SEZ6L: variants seen among roughly 807,000 people sequenced by gnomAD.
The protein encoded by SEZ6L is seizure related 6 homolog like.
Under a neutral mutation model 106.2 loss-of-function variants are expected in SEZ6L, and 37 were observed. That is an observed-to-expected ratio of 0.35 (90% CI 0.27 to 0.46). The LOEUF (loss-of-function observed/expected upper bound fraction) is 0.46. Among genes scored for constraint, SEZ6L ranks in the 20% least tolerant of loss-of-function variants. The pLI, the probability that SEZ6L is intolerant of heterozygous loss-of-function variation, is 1.00. For synonymous variants in SEZ6L, 541 were observed against 570.4 expected (o/e 0.95, Z 0.73); for missense variants, 1,172 against 1,332.8 (o/e 0.88, Z 1.88).
intron 1 of SEZ6L, among the ~76,000 whole-genome samples, chr22:26,239,346 C>T (rs1340710938): frequency 7.2e-5 from 11 of 152,204 alleles, no homozygotes; most frequent in Admixed American, 7.2e-4. Context: ...GGTCAAGAAG[C>T]ACTTGCCAGT....
chr22:26,232,393 C>CACAT (rs2078829259), intron 1 of SEZ6L, among the ~76,000 whole-genome samples: 1 of 136,994 alleles, frequency 7.3e-6, no homozygotes, highest in African/African-American at 2.7e-5. Flanking sequence ...CACACACACA[C>CACAT]ACTAAGAGCC....
Position 26,169,691 on chromosome 22 carries a change from G to A in SEZ6L, c.22G>A (p.Ala8Thr). The A allele has an allele frequency of 1.5e-6, 2 of 1,318,388 alleles. No individual in the cohort carries two copies. Among genetic ancestry groups the A allele is most frequent in the South Asian group, 2.1e-5 (1 of 47,264 alleles). The allele number at this position is 1,318,388 out of a possible 1,614,324, so 81.7% of individuals were successfully genotyped here. A position where few individuals can be genotyped will look rare whatever the true frequency, so the allele number is the denominator to read the frequency against. Reference sequence around the variant, plus strand: ...CACGATGCCCGCGGCCCGGCCGCCCGCCGCGGGACTCCGCGGGATCTCGCT... The same window carrying A: ...CACGATGCCCGCGGCCCGGCCGCCCACCGCGGGACTCCGCGGGATCTCGCT... MPAARPP[A>T]AGLRGISLFL... Residue 8 changes from alanine to threonine, a missense_variant, in exon 1 of 17, where the codon GCC becomes ACC. Around this residue, in one of 4 missense-constraint regions of SEZ6L, gnomAD observed 494 missense variants for 445.8 expected, o/e 1.11. Coordinates refer to ENST00000248933, the MANE Select transcript of SEZ6L (RefSeq NM_021115.5).
chr22:26,235,728 G>C (rs1242761356), intron 1 of SEZ6L, among the ~76,000 whole-genome samples: 2 of 152,148 alleles, frequency 1.3e-5, no homozygotes, highest in African/African-American at 4.8e-5. Flanking sequence ...TTGCCCTTTT[G>C]GGGAAGTATA....
At chr22:26,250,993 CT>C (rs1569420380) in intron 1 of SEZ6L, among the ~76,000 whole-genome samples, 1 of 152,128 alleles carries the variant, frequency 6.6e-6, no homozygotes, top group Non-Finnish European at 1.5e-5. Context: ...AGAAGTTCCT[CT>C]GATTTTTGTA....
intron 9 of SEZ6L, among the ~76,000 whole-genome samples, chr22:26,327,477 TCACACACAC>T (rs567211859): frequency 2.2e-3 from 171 of 77,832 alleles, no homozygotes; most frequent in African/African-American, 8.2e-3. Context: ...CACACACCCC[TCACACACAC>T]CACATGACAC....
intron 1 of SEZ6L, among the ~76,000 whole-genome samples, chr22:26,255,423 A>C (rs936689262): frequency 6.6e-6 from 1 of 152,222 alleles, no homozygotes; most frequent in Admixed American, 6.5e-5. Flanking sequence ...TTGAGATTTC[A>C]AAGTGGTGTC....
chr22:26,273,871 T>G (rs550642767), intron 1 of SEZ6L, among the ~76,000 whole-genome samples: 2 of 152,294 alleles, frequency 1.3e-5, no homozygotes, highest in East Asian at 3.9e-4. Flanking sequence ...TCTTCTTTTG[T>G]TGGAGATCCA....
intron 1 of SEZ6L, among the ~76,000 whole-genome samples, chr22:26,187,257 G>A (rs573190175): frequency 3.3e-5 from 5 of 152,242 alleles, no homozygotes; most frequent in Admixed American, 1.3e-4. Flanking sequence ...CAAGTGAAGG[G>A]GGAAAAGCCC....
chr22:26,352,478 T>G (rs1327937786), intron 12 of SEZ6L, among the ~76,000 whole-genome samples: 1 of 152,158 alleles, frequency 6.6e-6, no homozygotes, highest in Non-Finnish European at 1.5e-5. Context: ...GATTATAAAT[T>G]CCCCTACATC....
At chr22:26,280,193 C>T (rs944429194) in intron 1 of SEZ6L, among the ~76,000 whole-genome samples, 1 of 152,000 alleles carries the variant, frequency 6.6e-6, no homozygotes, top group African/African-American at 2.4e-5. Flanking sequence ...CTGTGCCATT[C>T]TTTTTATTAT....
intron 1 of SEZ6L, among the ~76,000 whole-genome samples, chr22:26,214,962 A>G (rs897668318): frequency 6.6e-6 from 1 of 152,220 alleles, no homozygotes; most frequent in Non-Finnish European, 1.5e-5. Context: ...AATGTGATTT[A>G]GTACGTATTC....
chr22:26,352,195 C>T (rs565994005), intron 12 of SEZ6L, among the ~76,000 whole-genome samples: 1 of 150,284 alleles, frequency 6.7e-6, no homozygotes, highest in South Asian at 2.1e-4. Flanking sequence ...CTTCAAGGCT[C>T]TCTAGGGATT....
At chr22:26,334,254 C>T (rs1180443727) in intron 9 of SEZ6L, among the ~76,000 whole-genome samples, 1 of 152,080 alleles carries the variant, frequency 6.6e-6, no homozygotes, top group Non-Finnish European at 1.5e-5. Flanking sequence ...AAACAAATTC[C>T]ATACCGATTA....
chr22:26,232,355 C>CAT (rs1272598173), intron 1 of SEZ6L, among the ~76,000 whole-genome samples: 2 of 83,038 alleles, frequency 2.4e-5, no homozygotes, highest in Non-Finnish European at 6.1e-5. Context: ...TTCACACACA[C>CAT]ACACACACAC....
At chr22:26,324,097 C>CACAA (rs1273980804) in intron 9 of SEZ6L, among the ~76,000 whole-genome samples, 1 of 148,422 alleles carries the variant, frequency 6.7e-6, no homozygotes, top group African/African-American at 2.5e-5. Context: ...CACACACACA[C>CACAA]ACACAAACAC....
At chr22:26,320,367 G>T (rs117410559) in intron 9 of SEZ6L, among the ~76,000 whole-genome samples, 3 of 152,164 alleles carry the variant, frequency 2.0e-5, no homozygotes, top group African/African-American at 4.8e-5. Flanking sequence ...GGCCAATAAG[G>T]GGGGGCATCG....
chr22:26,328,674 T>A (rs2082392501), intron 9 of SEZ6L, among the ~76,000 whole-genome samples: 1 of 152,188 alleles, frequency 6.6e-6, no homozygotes, highest in Non-Finnish European at 1.5e-5. Flanking sequence ...CTGCTTGAGC[T>A]GCCCGTGGGG....
chr22:26,351,748 T>C (rs2146024346), intron 12 of SEZ6L, among the ~76,000 whole-genome samples: 1 of 152,234 alleles, frequency 6.6e-6, no homozygotes, highest in Admixed American at 6.5e-5. Context: ...GGTTTCACCA[T>C]GTTGGCCAGG....
intron 9 of SEZ6L, among the ~76,000 whole-genome samples, chr22:26,329,029 G>T (rs2145962466): frequency 6.6e-6 from 1 of 152,316 alleles, no homozygotes; most frequent in East Asian, 1.9e-4. Flanking sequence ...CCTCCGCGGG[G>T]ATTCTGAGGT....
Sources: allele counts gnomAD v4.1 joint callset (sites outside exome capture counted in the v4.1 genomes callset), GRCh38; gene constraint gnomAD v4.1.1; regional missense constraint gnomAD v4.1.1; transcripts MANE v1.5; gene names NCBI Gene and HGNC (gene_info 2026-07-23, HGNC 2026-07-21).